The following PARD3B variants were observed in gnomAD, a reference collection of about 807,000 sequenced individuals.
The protein encoded by PARD3B is partitioning defective 3 homolog B.
A neutral mutation model predicts 130.2 loss-of-function variants in PARD3B; 103 were observed. The ratio of observed to expected loss-of-function variants is 0.79; its 90% CI spans 0.67 to 0.93. The LOEUF (loss-of-function observed/expected upper bound fraction) is 0.93, where lower values mean the gene tolerates loss of function less well. PARD3B is among the 40% of genes least tolerant of loss of function. The probability of loss-of-function intolerance (pLI) is 0.00; values close to 1 mark genes in which losing one functional copy is unlikely to be tolerated. For missense variants in PARD3B, 1,609 were observed against 1,499.2 expected (o/e 1.07, Z -1.21); for synonymous variants, 583 against 553.2 (o/e 1.05, Z -0.76).
chr2:204,880,801 T>G (rs930949776), intron 2 of PARD3B, among the ~76,000 whole-genome samples: 19 of 151,962 alleles, frequency 1.3e-4, no homozygotes, highest in African/African-American at 4.3e-4. Flanking sequence ...AAAAATTGCA[T>G]AACCCTATAG....
chr2:205,557,995 T>C (rs1377830785), intron 22 of PARD3B, among the ~76,000 whole-genome samples: 3 of 152,142 alleles, frequency 2.0e-5, no homozygotes, highest in Admixed American at 6.6e-5. Context: ...CATGGGGATA[T>C]GCTGGGGGAA....
chr2:205,522,465 A>AAAAGTTGGCATAAT (rs2051117961), intron 21 of PARD3B, among the ~76,000 whole-genome samples: 3 of 152,056 alleles, frequency 2.0e-5, no homozygotes, highest in Admixed American at 2.0e-4. Context: ...GGCATTTATT[A>AAAAGTTGGCATAAT]AAAGTTGGCA....
At chr2:204,753,856 C>G (rs1367280800) in intron 2 of PARD3B, among the ~76,000 whole-genome samples, 1 of 152,030 alleles carries the variant, frequency 6.6e-6, no homozygotes, top group Non-Finnish European at 1.5e-5. Context: ...AGTTTGAGAT[C>G]AGCTGGGCAA....
rs149483807 is a variant in PARD3B, at chr2:205,199,653, T to C, written c.2140+6333T>C. ...AGAAAGTGTGCGAGGTGGCCCATTG[T>C]TTTAAACCCCTGCTAGATGTCAGGT... On this transcript the variant is annotated intron_variant, in intron 15 of 22. Transcript: ENST00000406610. Among the ~76,000 whole-genome samples, 629 of 152,210 alleles carry C rather than the reference T, an allele frequency of 4.1e-3. 2 individuals are homozygous for C. Among genetic ancestry groups the C allele is most frequent in the Non-Finnish European group, 7.4e-3 (506 of 68,008 alleles).
rs2054428040 is a variant in PARD3B at position 205,592,626 on chromosome 2, A to G, written c.3261-22830A>G. 6.6e-6 allele frequency among the ~76,000 whole-genome samples: 1 copy of G among 152,242 alleles called. No individual in the cohort carries two copies. Among genetic ancestry groups the G allele is most frequent in the African/African-American group, 2.4e-5 (1 of 41,470 alleles). On this transcript the variant is annotated intron_variant, in intron 22 of 22. Transcript: ENST00000406610. This position sits in a 1 kb window ranked among gnomAD's most constrained non-coding sequence, Gnocchi z 4.5. Reference sequence around the variant, plus strand: ...CCCATACAACTATAATGCCTGCGTTATATTTAAGGTTTTTCATGATCTTAT... The same window carrying G: ...CCCATACAACTATAATGCCTGCGTTGTATTTAAGGTTTTTCATGATCTTAT...
chr2:205,183,014 A>G lies in PARD3B; in HGVS notation c.1925-2750A>G, dbSNP rs2035879590. 6.6e-6 allele frequency among the ~76,000 whole-genome samples: 1 copy of G among 152,214 alleles called. No individual in the cohort carries two copies. Among genetic ancestry groups the G allele is most frequent in the African/African-American group, 2.4e-5 (1 of 41,454 alleles). On this transcript the variant is annotated intron_variant, in intron 13 of 22. Coordinates refer to ENST00000406610, the MANE Select transcript of PARD3B (RefSeq NM_001302769.2). The surrounding 1 kb of genome is among the most constrained non-coding windows in gnomAD (Gnocchi z 5.2). The stretch of plus-strand genomic sequence containing the variant: ...CAGCCGTATGCCCAGGAAGAGAGGA[A>G]GAGCACGGATAGAGTGGGCACTGGT...
At chr2:204,852,513 A>G (rs1449097170) in intron 2 of PARD3B, among the ~76,000 whole-genome samples, 2 of 151,210 alleles carry the variant, frequency 1.3e-5, no homozygotes, top group Non-Finnish European at 2.9e-5. Context: ...TGTTATAAAC[A>G]TGAAGTAAAA....
At chr2:205,026,411 A>T (rs2125347741) in intron 3 of PARD3B, among the ~76,000 whole-genome samples, 1 of 152,324 alleles carries the variant, frequency 6.6e-6, no homozygotes, top group South Asian at 2.1e-4. Context: ...TACAAATAAA[A>T]ATTGTATAAA....
intron 18 of PARD3B, among the ~76,000 whole-genome samples, chr2:205,381,146 TATATA>T (rs2045419519): frequency 3.6e-5 from 1 of 27,846 alleles, no homozygotes; most frequent in Non-Finnish European, 1.5e-4. Context: ...GAATATATAA[TATATA>T]TAATATATAT....
chr2:204,787,387 G>A (rs2042049651), intron 2 of PARD3B, among the ~76,000 whole-genome samples: 2 of 152,144 alleles, frequency 1.3e-5, no homozygotes, highest in Admixed American at 6.5e-5. Flanking sequence ...GTAGGAATGT[G>A]AGGAGGAGGT....
In PARD3B at chr2:205,176,667, G is replaced by A; in HGVS notation, c.1924+90G>A. On this transcript the variant is annotated intron_variant, in intron 13 of 22. Coordinates refer to ENST00000406610, the MANE Select transcript of PARD3B (RefSeq NM_001302769.2). The surrounding 1 kb of genome is among the most constrained non-coding windows in gnomAD (Gnocchi z 5.3). ...TAAAAAAAAAAAAAAAGAGTAAAGG[G>A]GAGTTAATTAGACTAAGTGCAGACT... 3.1e-6 allele frequency: 4 copies of A among 1,310,476 alleles called. No homozygotes were observed. Among genetic ancestry groups the A allele is most frequent in the South Asian group, 1.6e-5 (1 of 62,336 alleles). The allele number at this position is 1,310,476 out of a possible 1,614,324, so 81.2% of individuals were successfully genotyped here.
rs2048456343 is a variant in PARD3B at position 205,461,564 on chromosome 2, C to A, written c.3044+20892C>A. Among the ~76,000 whole-genome samples the A allele has an allele frequency of 6.6e-6, 1 of 152,182 alleles. No individual in the cohort carries two copies. On this transcript the variant is annotated intron_variant, in intron 20 of 22. Transcript: ENST00000406610. The surrounding 1 kb of genome is among the most constrained non-coding windows in gnomAD (Gnocchi z 4.3). ...ACCTCCCAGAGACCTAACCTATTTC[C>A]CTATCACTTATTTTCAGGGCTATGA...
At chr2:205,192,679 T>TACCAAA (rs1482945210) in intron 14 of PARD3B, among the ~76,000 whole-genome samples, 2 of 152,226 alleles carry the variant, frequency 1.3e-5, no homozygotes, top group African/African-American at 4.8e-5. Context: ...GAGCAGACTG[T>TACCAAA]CTGCTTAGTG....
At chr2:205,294,410 C>T (rs2041715742) in intron 16 of PARD3B, among the ~76,000 whole-genome samples, 1 of 152,038 alleles carries the variant, frequency 6.6e-6, no homozygotes, top group African/African-American at 2.4e-5. Context: ...ATTTTGGGGA[C>T]ATAATCTGAG....
At chr2:205,479,895 A>ATTTTTTTTTT (rs71032475) in intron 20 of PARD3B, among the ~76,000 whole-genome samples, 1 of 127,832 alleles carries the variant, frequency 7.8e-6, no homozygotes, top group African/African-American at 3.1e-5. Context: ...GCCATATGCA[A>ATTTTTTTTTT]TTTTTTTTTT....
At chr2:205,077,484 C>A (rs1052047003) in intron 4 of PARD3B, among the ~76,000 whole-genome samples, 2 of 152,112 alleles carry the variant, frequency 1.3e-5, no homozygotes, top group Non-Finnish European at 2.9e-5. Flanking sequence ...ATTTGCCTGG[C>A]AGTTTCTCTT....
chr2:205,235,157 A>C (rs1220791819), intron 15 of PARD3B, among the ~76,000 whole-genome samples: 1 of 152,168 alleles, frequency 6.6e-6, no homozygotes, highest in Non-Finnish European at 1.5e-5. Flanking sequence ...GAAATGGCTC[A>C]CACCTGTAAT....
intron 4 of PARD3B, among the ~76,000 whole-genome samples, chr2:205,079,951 G>C (rs1385122373): frequency 6.6e-6 from 1 of 152,092 alleles, no homozygotes; most frequent in Admixed American, 6.5e-5. Flanking sequence ...GTAAGTTCAA[G>C]TTGGTGAGCT....
intron 20 of PARD3B, among the ~76,000 whole-genome samples, chr2:205,498,155 G>A (rs1042587461): frequency 3.4e-5 from 5 of 145,314 alleles, no homozygotes; most frequent in South Asian, 4.3e-4. Flanking sequence ...AGCCAAGATC[G>A]CACCACTGCA....
Sources: gnomAD v4.1 joint callset for allele counts (sites outside exome capture counted in the v4.1 genomes callset) on GRCh38, gnomAD v4.1.1 for gene constraint, Gnocchi (gnomAD v3.1) non-coding constraint, MANE v1.5 for transcripts, NCBI Gene and HGNC (gene_info 2026-07-23, HGNC 2026-07-21) for gene names.